The following LRP1B variants were observed in gnomAD, a reference collection of about 807,000 sequenced individuals.
LRP1B encodes LDL receptor related protein 1B, also known as low-density lipoprotein receptor-related protein 1B.
Under a neutral mutation model 556.6 loss-of-function variants are expected in LRP1B, and 217 were observed. The observed-to-expected ratio is 0.39, with a 90% CI of 0.35 to 0.44. The LOEUF (loss-of-function observed/expected upper bound fraction) is 0.44. Among genes scored for constraint, LRP1B ranks in the 20% least tolerant of loss-of-function variants. The pLI is 1.00. For synonymous variants in LRP1B, 2,047 were observed against 1,865.8 expected, an observed-to-expected ratio of 1.10 and a Z score of -2.50; for missense variants, 5,053 against 5,620.8, an observed-to-expected ratio of 0.90 and a Z score of 3.23.
chr2:142,021,139 G>C (rs2105176233), intron 1 of LRP1B, among the ~76,000 whole-genome samples: 1 of 152,140 alleles, frequency 6.6e-6, no homozygotes, highest in East Asian at 1.9e-4. Flanking sequence ...CTAATACTTG[G>C]CATTCCCATA....
intron 1 of LRP1B, among the ~76,000 whole-genome samples, chr2:141,836,091 C>G (rs914151304): frequency 1.8e-4 from 28 of 151,880 alleles, no homozygotes; most frequent in African/African-American, 6.5e-4. Flanking sequence ...CAAATCTGTG[C>G]CTAACAGATG....
At chr2:141,399,211 G>C (rs1196528460) in intron 3 of LRP1B, among the ~76,000 whole-genome samples, 1 of 151,976 alleles carries the variant, frequency 6.6e-6, no homozygotes, top group Non-Finnish European at 1.5e-5. Context: ...AGCCAAGATC[G>C]TGCCACCGTG....
intron 2 of LRP1B, among the ~76,000 whole-genome samples, chr2:141,674,603 T>C (rs761682901): frequency 1.3e-5 from 2 of 152,104 alleles, no homozygotes; most frequent in Non-Finnish European, 2.9e-5. Context: ...AATGTGCTAA[T>C]TGCTTCACGT....
intron 2 of LRP1B, among the ~76,000 whole-genome samples, chr2:141,586,558 A>C (rs1192059581): frequency 6.6e-6 from 1 of 152,192 alleles, no homozygotes; most frequent in Non-Finnish European, 1.5e-5. Context: ...AAATGAAGTG[A>C]TTGAAAATTT....
At chr2:140,867,119 A>T (rs550736471) in intron 27 of LRP1B, among the ~76,000 whole-genome samples, 1 of 152,094 alleles carries the variant, frequency 6.6e-6, no homozygotes, top group South Asian at 2.1e-4. Context: ...CTTGGCAAAC[A>T]TTGAGTGGAG....
intron 7 of LRP1B, among the ~76,000 whole-genome samples, chr2:141,155,124 C>T (rs1702032881): frequency 6.6e-6 from 1 of 151,760 alleles, no homozygotes; most frequent in African/African-American, 2.4e-5. Flanking sequence ...TATAATCTGA[C>T]CACTTGTTAG....
intron 3 of LRP1B, among the ~76,000 whole-genome samples, chr2:141,313,968 T>C (rs924176111): frequency 6.6e-6 from 1 of 152,218 alleles, no homozygotes; most frequent in East Asian, 1.9e-4. Context: ...AATTCTGCTT[T>C]TAACTTTCTA....
intron 1 of LRP1B, among the ~76,000 whole-genome samples, chr2:141,874,562 T>C (rs761143499): frequency 1.3e-5 from 2 of 151,916 alleles, no homozygotes; most frequent in Admixed American, 6.6e-5. Flanking sequence ...ATCCCTGGAA[T>C]TGATTTTGAA....
At chr2:142,104,293 A>G (rs913787290) in intron 1 of LRP1B, among the ~76,000 whole-genome samples, 3 of 152,098 alleles carry the variant, frequency 2.0e-5, no homozygotes, top group Non-Finnish European at 4.4e-5. Context: ...GAGTTTATAA[A>G]ATCCATCTTC....
rs1690646115 is a variant in LRP1B at position 140,804,648 on chromosome 2, A to ATTTTTTTTTTTTTTTTTTTT, written c.5359+9008_5359+9009insAAAAAAAAAAAAAAAAAAAA. On this transcript the variant is annotated intron_variant, in intron 32 of 90. Transcript: ENST00000389484. Reference sequence around the variant, plus strand: ...TTAAGAGTTAGTGTAGGTAAAAACTAATTTTTTTTTTTTTTTTTTTTTTTT... The same window carrying ATTTTTTTTTTTTTTTTTTTT: ...TTAAGAGTTAGTGTAGGTAAAAACTATTTTTTTTTTTTTTTTTTTTATTTTTTTTTTTTTTTTTTTTTTTT... 1.9e-5 allele frequency among the ~76,000 whole-genome samples: 2 copies of ATTTTTTTTTTTTTTTTTTTT among 103,892 alleles called. 1 individual carries two copies. 68.2% of individuals were successfully genotyped at this position (103,892 alleles called of 152,430 possible).
chr2:141,363,941 T>G (rs931159794), intron 3 of LRP1B, among the ~76,000 whole-genome samples: 4 of 152,152 alleles, frequency 2.6e-5, no homozygotes, highest in Non-Finnish European at 5.9e-5. Context: ...AAGTTCAGCA[T>G]AAATTATTTT....
intron 75 of LRP1B, 96 bp downstream of exon 75, chr2:140,356,246 T>A (rs2105129153): frequency 8.0e-7 from 1 of 1,255,314 alleles, no homozygotes; most frequent in Non-Finnish European, 1.1e-6. Context: ...ACCATTTTGA[T>A]GAAAGTCAAT....
chr2:140,944,070 C>T (rs1250433170), intron 20 of LRP1B, among the ~76,000 whole-genome samples: 1 of 151,738 alleles, frequency 6.6e-6, no homozygotes, highest in East Asian at 1.9e-4. Context: ...AAGCACAACC[C>T]CAGAGGACAA....
chr2:140,534,221 A>G, intron 46 of LRP1B, 81 bp from the exon 47 acceptor site: 17 of 1,281,372 alleles, frequency 1.3e-5, no homozygotes, highest in Non-Finnish European at 1.8e-5. Context: ...ATAATATTTC[A>G]TTCATAATGA....
intron 11 of LRP1B, among the ~76,000 whole-genome samples, chr2:141,022,974 A>G (rs190034616): frequency 6.6e-6 from 1 of 151,996 alleles, no homozygotes; most frequent in Non-Finnish European, 1.5e-5. Context: ...TCATGCATCA[A>G]TAGGCAAGGA....
chr2:141,747,899 C>A (rs1322355608), intron 2 of LRP1B, among the ~76,000 whole-genome samples: 1 of 152,048 alleles, frequency 6.6e-6, no homozygotes, highest in Non-Finnish European at 1.5e-5. Context: ...GTCCTATTAT[C>A]CATTTTTATA....
chr2:141,834,758 T>A (rs1322617597), intron 1 of LRP1B, among the ~76,000 whole-genome samples: 1 of 151,844 alleles, frequency 6.6e-6, no homozygotes, highest in Admixed American at 6.6e-5. Flanking sequence ...AGGAAATAAC[T>A]GGAAAACTTT....
At chr2:140,982,508 A>T (rs940519680) in intron 17 of LRP1B, among the ~76,000 whole-genome samples, 1 of 152,212 alleles carries the variant, frequency 6.6e-6, no homozygotes, top group Non-Finnish European at 1.5e-5. Context: ...ATGACAAGAT[A>T]GTCAGTAACC....
chr2:141,716,780 A>G (rs553414018), intron 2 of LRP1B, among the ~76,000 whole-genome samples: 16 of 152,198 alleles, frequency 1.1e-4, no homozygotes, highest in Admixed American at 5.2e-4. Flanking sequence ...ATTCTAGACT[A>G]ATATGTCTAG....
Sources: allele counts gnomAD v4.1 joint callset (sites outside exome capture counted in the v4.1 genomes callset), GRCh38; gene constraint gnomAD v4.1.1; transcripts MANE v1.5; gene names NCBI Gene and HGNC (gene_info 2026-07-23, HGNC 2026-07-21).